FOXP2: variants seen among roughly 807,000 people sequenced by gnomAD.
The protein encoded by FOXP2 is forkhead box P2, also known as forkhead box protein P2.
Under a neutral mutation model 115.8 loss-of-function variants are expected in FOXP2, and 12 were observed. That is an observed-to-expected ratio of 0.10 (90% CI 0.07 to 0.17). The LOEUF (loss-of-function observed/expected upper bound fraction) is 0.17, where lower values mean the gene tolerates loss of function less well. Among genes scored for constraint, FOXP2 ranks in the 10% least tolerant of loss-of-function variants. The pLI is 1.00. For missense variants in FOXP2, 629 were observed against 843.5 expected, an observed-to-expected ratio of 0.75 and a Z score of 3.15; for synonymous variants, 328 against 297.7, an observed-to-expected ratio of 1.10 and a Z score of -1.05.
intron 3 of FOXP2, among the ~76,000 whole-genome samples, chr7:114,550,391 C>A (rs934229716): frequency 1.4e-4 from 22 of 152,248 alleles, no homozygotes; most frequent in Non-Finnish European, 2.2e-4. Context: ...GCTGGGATTA[C>A]AGGCGTGAGC....
chr7:114,277,530 A>T (rs1030627339), intron 1 of FOXP2, among the ~76,000 whole-genome samples: 2 of 152,156 alleles, frequency 1.3e-5, no homozygotes, highest in African/African-American at 4.8e-5. Flanking sequence ...CCATTAAAAA[A>T]AACCAAACCC....
chr7:114,099,480 A>G (rs1799728169), intron 1 of FOXP2, among the ~76,000 whole-genome samples: 1 of 152,224 alleles, frequency 6.6e-6, no homozygotes, highest in Non-Finnish European at 1.5e-5. Flanking sequence ...AAAGAAAATT[A>G]AAGATAGAAC....
At chr7:114,256,044 A>G (rs1259511701) in intron 1 of FOXP2, among the ~76,000 whole-genome samples, 1 of 152,088 alleles carries the variant, frequency 6.6e-6, no homozygotes, top group East Asian at 1.9e-4. Flanking sequence ...TACAACCTCA[A>G]CAGCAGGCTC....
chr7:114,190,624 G>C (rs1192605107), intron 1 of FOXP2, among the ~76,000 whole-genome samples: 2 of 152,076 alleles, frequency 1.3e-5, no homozygotes, highest in Non-Finnish European at 2.9e-5. Context: ...GACATATTCT[G>C]TTTCTCTAGA....
upstream of FOXP2, among the ~76,000 whole-genome samples, chr7:114,158,457 G>A (rs1248268118): frequency 2.0e-5 from 3 of 151,794 alleles, no homozygotes; most frequent in African/African-American, 7.3e-5. Flanking sequence ...TTACCAGTCT[G>A]TCTGGGAAAT....
chr7:114,658,128 A>G lies in FOXP2; in HGVS notation c.1329A>G (p.Leu443=), dbSNP rs780957406. ...KNMLETSPQS[L]PQTPTTPTAP... is the part of the protein sequence containing the mutation. ...TGTTGGAGACATCCCCACAGAGCTT[A>G]CCTCAAACCCCTACCACACCAACGG... The change falls in exon 11 of 17, where the codon TTA becomes TTG. Residue 443 remains leucine (L), a synonymous_variant. Transcript: ENST00000350908. 1 of 1,613,850 alleles carries G rather than the reference A, an allele frequency of 6.2e-7. No homozygotes were observed. The highest frequency in any genetic ancestry group is 1.1e-5 in the South Asian group (1 of 91,080).
chr7:114,507,264 C>T (rs1050455739), intron 2 of FOXP2, among the ~76,000 whole-genome samples: 2 of 151,800 alleles, frequency 1.3e-5, no homozygotes, highest in African/African-American at 4.8e-5. Context: ...TCTTTCTTGT[C>T]AGGAGTCTAA....
At chr7:114,351,924 A>G (rs781581282) in intron 2 of FOXP2, among the ~76,000 whole-genome samples, 9 of 152,136 alleles carry the variant, frequency 5.9e-5, no homozygotes, top group Non-Finnish European at 7.4e-5. Flanking sequence ...GTATGCACTA[A>G]TTATATGTCA....
chr7:114,335,141 A>G (rs1584645380), intron 2 of FOXP2, among the ~76,000 whole-genome samples: 3 of 151,470 alleles, frequency 2.0e-5, no homozygotes, highest in Admixed American at 2.0e-4. Flanking sequence ...TCAGACGTTG[A>G]AAATATAAGA....
chr7:114,577,280 C>A (rs1801622074), intron 3 of FOXP2, among the ~76,000 whole-genome samples: 1 of 151,700 alleles, frequency 6.6e-6, no homozygotes, highest in Non-Finnish European at 1.5e-5. Context: ...ACCTGAAAAA[C>A]AACAACAACA....
intron 2 of FOXP2, among the ~76,000 whole-genome samples, chr7:114,340,254 T>C (rs1791169983): frequency 6.6e-6 from 1 of 151,134 alleles, no homozygotes; most frequent in Non-Finnish European, 1.5e-5. Context: ...AAGATGATGA[T>C]GTCAGTAAAT....
intron 3 of FOXP2, among the ~76,000 whole-genome samples, chr7:114,544,818 T>A (rs957172028): frequency 6.6e-6 from 1 of 152,208 alleles, no homozygotes; most frequent in African/African-American, 2.4e-5. Context: ...TGACTAAAAT[T>A]ATAGTTTCTC....
intron 2 of FOXP2, among the ~76,000 whole-genome samples, chr7:114,482,807 A>G (rs1423772118): frequency 1.3e-5 from 2 of 151,690 alleles, no homozygotes; most frequent in Non-Finnish European, 3.0e-5. Flanking sequence ...TCTAATCAAT[A>G]TGTACTAATA....
intron 1 of FOXP2, among the ~76,000 whole-genome samples, chr7:114,423,803 C>T (rs1793720612): frequency 6.6e-6 from 1 of 151,482 alleles, no homozygotes; most frequent in African/African-American, 2.4e-5. Context: ...TTAGTAAATG[C>T]TAGAAATAAT....
intron 1 of FOXP2, among the ~76,000 whole-genome samples, chr7:114,172,170 T>TA (rs1793162555): frequency 6.6e-6 from 1 of 152,222 alleles, no homozygotes; most frequent in Non-Finnish European, 1.5e-5. Flanking sequence ...TACTACAGTA[T>TA]AATGTACCTA....
At chr7:114,447,478 C>T (rs991926976) in intron 2 of FOXP2, among the ~76,000 whole-genome samples, 2 of 152,124 alleles carry the variant, frequency 1.3e-5, no homozygotes, top group South Asian at 4.1e-4. Context: ...CTTATCTTGT[C>T]CCATTCTCTT....
At chr7:114,360,800 T>C (rs1791727639) in intron 2 of FOXP2, among the ~76,000 whole-genome samples, 1 of 152,202 alleles carries the variant, frequency 6.6e-6, no homozygotes, top group Admixed American at 6.6e-5. Context: ...ACAGAAAATA[T>C]AGTCAGCTTT....
At chr7:114,238,692 G>A (rs193228791) in intron 1 of FOXP2, among the ~76,000 whole-genome samples, 24 of 151,902 alleles carry the variant, frequency 1.6e-4, no homozygotes, top group South Asian at 6.2e-4. Context: ...TGATGGGTTG[G>A]GTCTGGGAGG....
chr7:114,683,916 C>CCT (rs3028484), intron 16 of FOXP2, among the ~76,000 whole-genome samples: 146,832 of 152,226 alleles, frequency 0.96, 71,020 homozygotes, highest in East Asian at 1. Context: ...CTTTCAACCC[C>CCT]GTGTCTCAGT....
Sources: gnomAD v4.1 joint callset for allele counts (sites outside exome capture counted in the v4.1 genomes callset) on GRCh38, gnomAD v4.1.1 for gene constraint, MANE v1.5 for transcripts, NCBI Gene and HGNC (gene_info 2026-07-23, HGNC 2026-07-21) for gene names.